Variants in CES4A observed in about 807,000 individuals in gnomAD.
CES4A encodes the protein carboxylesterase 6.
A neutral mutation model predicts 65.4 loss-of-function variants in CES4A; 48 were observed. The ratio of observed to expected loss-of-function variants is 0.73; its 90% CI spans 0.58 to 0.93. CES4A has a LOEUF of 0.93. Among genes scored for constraint, CES4A ranks in the 40% least tolerant of loss-of-function variants. CES4A has a pLI of 0.00. For missense variants in CES4A, 685 were observed against 728.5 expected (o/e 0.94, Z 0.69); for synonymous variants, 247 against 281.8 (o/e 0.88, Z 1.24).
chr16:67,001,212 G>A lies in CES4A; in HGVS notation c.537-96G>A. On this transcript the variant is annotated intron_variant, in intron 4 of 13. Coordinates refer to ENST00000648724, the Ensembl canonical transcript of CES4A. The surrounding 1 kb of genome is among the most constrained non-coding windows in gnomAD (Gnocchi z 4.1). ...GGTCGCAGGACTGGGTCTTAGAGGG[G>A]CAAGGCTGGGCTGGGTGGGGGAAGC... 2 of 1,430,678 alleles carry A rather than the reference G, an allele frequency of 1.4e-6. No individual in the cohort carries two copies. Among genetic ancestry groups the A allele is most frequent in the Non-Finnish European group, 1.9e-6 (2 of 1,080,500 alleles). 88.6% of individuals were successfully genotyped at this position (1,430,678 alleles called of 1,614,324 possible).
intron 2 of CES4A, among the ~76,000 whole-genome samples, chr16:66,997,379 G>A (rs894740055): frequency 2.0e-5 from 3 of 152,260 alleles, no homozygotes; most frequent in South Asian, 2.1e-4. Flanking sequence ...AAGAATTTGT[G>A]GATTGCTCAG....
intron 2 of CES4A, chr16:66,996,113 C>A (rs1233350060): frequency 1.3e-5 from 7 of 524,078 alleles, no homozygotes; most frequent in Non-Finnish European, 2.5e-5. Context: ...TCTCGGCTCA[C>A]TGCAACCTCC....
intron 2 of CES4A, among the ~76,000 whole-genome samples, chr16:66,998,312 G>A (rs1018168124): frequency 7.2e-5 from 11 of 152,094 alleles, no homozygotes; most frequent in South Asian, 2.1e-4. Flanking sequence ...TAATCTGGCC[G>A]GGCGAGGTGG....
intron 2 of CES4A, 97 bp downstream of exon 2, chr16:66,995,926 T>C: frequency 8.2e-7 from 1 of 1,221,054 alleles, no homozygotes. Context: ...ACTCACTGTG[T>C]GATCACAGGC....
At chr16:67,008,849 G>A in intron 13 of CES4A, 125 bp from the exon 14 acceptor site, 1 of 929,454 alleles carries the variant, frequency 1.1e-6, no homozygotes, top group Non-Finnish European at 1.6e-6. Context: ...AAAGTTCTAA[G>A]TATCATCTCC....
Position 67,004,892 on chromosome 16 carries a change from AG to A in CES4A, c.1161+23del. 6.5e-6 allele frequency: 10 copies of A among 1,529,108 alleles called. No homozygotes were observed. Among genetic ancestry groups the A allele is most frequent in the Non-Finnish European group, 8.8e-6 (10 of 1,140,588 alleles). The allele number at this position is 1,529,108 out of a possible 1,614,324, so 94.7% of individuals were successfully genotyped here. On this transcript the variant is annotated intron_variant, in intron 10 of 13. Coordinates refer to ENST00000648724, the Ensembl canonical transcript of CES4A. ...CCTGTTGGTGAGGGACCCAGCTGGC[AG>A]GGGTGCTCAGTTCGGACAGGGTTGA...
chr16:67,003,972 T>G lies in CES4A; in HGVS notation c.940-112T>G. On this transcript the variant is annotated intron_variant, in intron 8 of 13. Coordinates refer to ENST00000648724, the Ensembl canonical transcript of CES4A. The surrounding 1 kb of genome is among the most constrained non-coding windows in gnomAD (Gnocchi z 4.2). ...GGGCTCACCATGCCAGCCCCAGCCT[T>G]TTCCCAATCAAAGAACCTAGGCTAG... 1 of 1,162,350 alleles carries G rather than the reference T, an allele frequency of 8.6e-7. No homozygotes were observed. Among genetic ancestry groups the G allele is most frequent in the South Asian group, 1.4e-5 (1 of 71,628 alleles). The allele number at this position is 1,162,350 out of a possible 1,614,324, so 72.0% of individuals were successfully genotyped here.
chr16:66,995,953 C>G (rs374790706), intron 2 of CES4A, 124 bp downstream of exon 2: 2 of 915,884 alleles, frequency 2.2e-6, no homozygotes, highest in Middle Eastern at 3.3e-4. Context: ...GGGGCCCATT[C>G]TGGGCCTCAG....
In CES4A at chr16:67,003,102, T is replaced by C. The variant is rs376762260; in HGVS notation, c.723T>C (p.His241=). The C allele has an allele frequency of 6.0e-5, 97 of 1,613,998 alleles. No individual in the cohort carries two copies. Among genetic ancestry groups the C allele is most frequent in the Admixed American group, 2.2e-4 (13 of 59,992 alleles). ...CACCCCTAGCCTCGGGTCTCTTCCATCGGGCCATTTCCCAGAGTGGCACCG... is the reference window on the plus strand; with the variant it reads ...CACCCCTAGCCTCGGGTCTCTTCCACCGGGCCATTTCCCAGAGTGGCACCG... The change falls in exon 6 of 14, where the codon CAT becomes CAC. Residue 241 remains histidine (H), a synonymous_variant. Transcript: ENST00000648724. The surrounding 1 kb of genome is among the most constrained non-coding windows in gnomAD (Gnocchi z 4.2).
intron 2 of CES4A, among the ~76,000 whole-genome samples, chr16:66,997,811 A>G (rs78142232): frequency 0.018 from 2,675 of 152,098 alleles, 82 homozygotes; most frequent in African/African-American, 0.061. Context: ...CTCTACAAGA[A>G]ATTTAAAAAA....
intron 1 of CES4A, among the ~76,000 whole-genome samples, chr16:66,992,991 C>T (rs577549708): frequency 3.9e-5 from 6 of 152,120 alleles, no homozygotes; most frequent in Non-Finnish European, 5.9e-5. Flanking sequence ...CAGCCCAATT[C>T]GGTTTTGATA....
chr16:67,005,319 G>C, exon 11 of CES4A: 2 of 1,614,122 alleles, frequency 1.2e-6, no homozygotes, highest in Non-Finnish European at 1.7e-6. Context: ...AAGATGCTAC[G>C]AAACCGTATG....
At chr16:67,007,600 A>G (rs1462421975) in intron 13 of CES4A, 1 of 151,354 alleles carries the variant, frequency 6.6e-6, no homozygotes, top group Non-Finnish European at 1.5e-5. Flanking sequence ...TATGACACTC[A>G]AAGTGTCTTT....
intron 2 of CES4A, among the ~76,000 whole-genome samples, chr16:66,998,866 A>G (rs1337244013): frequency 6.8e-6 from 1 of 147,198 alleles, no homozygotes; most frequent in African/African-American, 2.5e-5. Context: ...ATCTCAAACA[A>G]AAAAAAAAAA....
chr16:67,002,832 T>C (rs1055151546), intron 5 of CES4A, among the ~76,000 whole-genome samples: 1 of 151,824 alleles, frequency 6.6e-6, no homozygotes, highest in Non-Finnish European at 1.5e-5. Flanking sequence ...ACCAGCAGAT[T>C]CCCTCCCCCA....
In CES4A at chr16:67,003,969, C is replaced by A; in HGVS notation, c.940-115C>A. 8.9e-7 allele frequency: 1 copy of A among 1,122,740 alleles called. No homozygotes were observed. Among genetic ancestry groups the A allele is most frequent in the Non-Finnish European group, 1.3e-6 (1 of 762,606 alleles). 69.5% of individuals were successfully genotyped at this position (1,122,740 alleles called of 1,614,324 possible). A position where few individuals can be genotyped will look rare whatever the true frequency, so the allele number is the denominator to read the frequency against. On this transcript the variant is annotated intron_variant, in intron 8 of 13. Transcript: ENST00000648724. This position sits in a 1 kb window ranked among gnomAD's most constrained non-coding sequence, Gnocchi z 4.2. ...CTGGGGCTCACCATGCCAGCCCCAGCCTTTTCCCAATCAAAGAACCTAGGC... is the reference window on the plus strand; with the variant it reads ...CTGGGGCTCACCATGCCAGCCCCAGACTTTTCCCAATCAAAGAACCTAGGC...
Position 67,001,526 on chromosome 16 carries a change from T to C in CES4A, c.690+65T>C. ...CTCCTGCGTTCCCACAAATGTATGC[T>C]CCACTGCACAGGCCATGTGCAGATT... On this transcript the variant is annotated intron_variant, in intron 5 of 13. Transcript: ENST00000648724. This position sits in a 1 kb window ranked among gnomAD's most constrained non-coding sequence, Gnocchi z 4.1. 2 of 1,509,630 alleles carry C rather than the reference T, an allele frequency of 1.3e-6. No homozygotes were observed. Among genetic ancestry groups the C allele is most frequent in the Non-Finnish European group, 1.8e-6 (2 of 1,121,064 alleles). The allele number at this position is 1,509,630 out of a possible 1,614,324, so 93.5% of individuals were successfully genotyped here. A position where few individuals can be genotyped will look rare whatever the true frequency, so the allele number is the denominator to read the frequency against.
Position 67,001,336 on chromosome 16 carries a change from T to G in CES4A, c.565T>G (p.Trp189Gly), listed in dbSNP as rs1032738185. Residue 189 changes from tryptophan to glycine, a missense_variant, in exon 5 of 14, where the codon TGG becomes GGG. Coordinates refer to ENST00000648724, the Ensembl canonical transcript of CES4A. The surrounding 1 kb of genome is among the most constrained non-coding windows in gnomAD (Gnocchi z 4.1). ...GGACGACAGCCACGCGCGCGGGAAC[T>G]GGGGGCTGCTGGACCAGATGGCGGC... 2.5e-6 allele frequency: 4 copies of G among 1,611,712 alleles called. No homozygotes were observed. The highest frequency in any genetic ancestry group is 3.4e-6 in the Non-Finnish European group (4 of 1,179,104).
chr16:67,006,849 C>T (rs755007747), intron 13 of CES4A, 32 bp downstream of exon 13: 2 of 1,595,614 alleles, frequency 1.3e-6, no homozygotes, highest in African/African-American at 1.3e-5. Context: ...TCTGGGCATT[C>T]TACCTGCCCA....
Sources: gnomAD v4.1 joint callset for allele counts (sites outside exome capture counted in the v4.1 genomes callset) on GRCh38, gnomAD v4.1.1 for gene constraint, Gnocchi (gnomAD v3.1) non-coding constraint, MANE v1.5 for transcripts, NCBI Gene and HGNC (gene_info 2026-07-23, HGNC 2026-07-21) for gene names.